Variants in DLGAP2 observed in about 807,000 individuals in gnomAD.
DLGAP2 encodes DLG associated protein 2, also known as disks large-associated protein 2.
Under a neutral mutation model 100.3 loss-of-function variants are expected in DLGAP2, and 26 were observed. The ratio of observed to expected loss-of-function variants is 0.26; its 90% CI spans 0.19 to 0.36. The LOEUF is 0.36. DLGAP2 is among the 10% of genes least tolerant of loss of function. The pLI is 1.00. For synonymous variants in DLGAP2, 886 were observed against 630.1 expected, an observed-to-expected ratio of 1.41 and a Z score of -6.08; for missense variants, 1,858 against 1,453.2, an observed-to-expected ratio of 1.28 and a Z score of -4.53.
chr8:1,206,357 C>G (rs7010249), intron 2 of DLGAP2, among the ~76,000 whole-genome samples: 5 of 51,868 alleles, frequency 9.6e-5, no homozygotes, highest in Admixed American at 3.8e-4. Context: ...TCCAGCCATC[C>G]GTGGACTGGG....
chr8:1,562,403 G>A (rs183263010), intron 5 of DLGAP2, among the ~76,000 whole-genome samples: 1 of 56,798 alleles, frequency 1.8e-5, no homozygotes, highest in Non-Finnish European at 3.3e-5. Context: ...GGGTGTCCGC[G>A]CCTCGTTACT....
At chr8:1,560,775 G>C (rs760244294) in intron 5 of DLGAP2, among the ~76,000 whole-genome samples, 1 of 152,190 alleles carries the variant, frequency 6.6e-6, no homozygotes, top group Admixed American at 6.5e-5. Flanking sequence ...AAATTCACAC[G>C]GACAAAATGT....
chr8:1,533,741 C>T (rs545374651), intron 4 of DLGAP2, among the ~76,000 whole-genome samples: 1 of 152,010 alleles, frequency 6.6e-6, no homozygotes, highest in South Asian at 2.1e-4. Context: ...ATCAATAGTA[C>T]CTTAAAAATA....
At chr8:1,660,730 T>C (rs1338504134) in intron 8 of DLGAP2, among the ~76,000 whole-genome samples, 1 of 152,226 alleles carries the variant, frequency 6.6e-6, no homozygotes, top group Non-Finnish European at 1.5e-5. Flanking sequence ...ATTAAAAATA[T>C]CCTACCAGGA....
At chr8:1,149,560 T>C (rs918368625) in intron 2 of DLGAP2, among the ~76,000 whole-genome samples, 4 of 152,228 alleles carry the variant, frequency 2.6e-5, no homozygotes, top group African/African-American at 7.2e-5. Context: ...TCTTCTTTCA[T>C]CATTTTACTT....
chr8:1,076,911 C>T (rs1308581450), intron 2 of DLGAP2, among the ~76,000 whole-genome samples: 4 of 143,616 alleles, frequency 2.8e-5, no homozygotes, highest in East Asian at 4.2e-4. Flanking sequence ...CGGCCCCCCC[C>T]AAGACCAAGA....
At chr8:1,391,322 C>T (rs1387233330) in intron 3 of DLGAP2, among the ~76,000 whole-genome samples, 20 of 152,086 alleles carry the variant, frequency 1.3e-4, no homozygotes, top group Non-Finnish European at 1.8e-4. Flanking sequence ...TTTGGGGTAC[C>T]CTGCAGAACG....
intron 3 of DLGAP2, among the ~76,000 whole-genome samples, chr8:1,471,532 C>G (rs984117919): frequency 3.4e-5 from 5 of 148,694 alleles, no homozygotes; most frequent in Non-Finnish European, 7.4e-5. Context: ...CTCCCCTCCC[C>G]TCCCAGCCTC....
intron 3 of DLGAP2, among the ~76,000 whole-genome samples, chr8:1,433,902 G>T (rs1254634213): frequency 6.6e-6 from 1 of 152,074 alleles, no homozygotes; most frequent in Non-Finnish European, 1.5e-5. Flanking sequence ...CATGGTCCCT[G>T]GGGTCCTTAC....
At chr8:946,472 C>G (rs922679882) in intron 2 of DLGAP2, among the ~76,000 whole-genome samples, 1 of 151,864 alleles carries the variant, frequency 6.6e-6, no homozygotes, top group Admixed American at 6.6e-5. Context: ...ACCATATTAG[C>G]CAGGATGGTC....
intron 1 of DLGAP2, among the ~76,000 whole-genome samples, chr8:742,961 G>T (rs1037076720): frequency 6.6e-6 from 1 of 152,176 alleles, no homozygotes. Flanking sequence ...TGCTGGATTA[G>T]TCTTGACTAT....
intron 12 of DLGAP2, among the ~76,000 whole-genome samples, chr8:1,679,979 C>T (rs1193064888): frequency 3.1e-5 from 2 of 63,528 alleles, no homozygotes; most frequent in African/African-American, 5.9e-5. Context: ...GACTCTGTCT[C>T]AAAAAAAAAA....
At chr8:1,380,399 G>A (rs1247567487) in intron 3 of DLGAP2, 2 of 152,162 alleles carry the variant, frequency 1.3e-5, no homozygotes, top group African/African-American at 4.8e-5. Flanking sequence ...TACTTCAGAA[G>A]CATTTCAGTC....
At chr8:984,230 G>A (rs1198280811) in intron 2 of DLGAP2, among the ~76,000 whole-genome samples, 2 of 152,192 alleles carry the variant, frequency 1.3e-5, no homozygotes, top group Non-Finnish European at 2.9e-5. Flanking sequence ...CTTGGGCACA[G>A]CACAGCTTTG....
chr8:814,010 G>A (rs73532305), intron 1 of DLGAP2, among the ~76,000 whole-genome samples: 1,922 of 152,118 alleles, frequency 0.013, 52 homozygotes, highest in African/African-American at 0.044. Context: ...TAATTTTAAT[G>A]GTGACCTCCT....
chr8:779,365 C>G (rs1329486457), intron 1 of DLGAP2, among the ~76,000 whole-genome samples: 1 of 152,176 alleles, frequency 6.6e-6, no homozygotes, highest in Non-Finnish European at 1.5e-5. Context: ...TGGCTCCTCC[C>G]CTGTGAATCA....
chr8:1,288,680 T>C (rs915786630), intron 3 of DLGAP2, among the ~76,000 whole-genome samples: 9,328 of 143,968 alleles, frequency 0.065, 971 homozygotes, highest in African/African-American at 0.23. Flanking sequence ...TTCGGTTCAG[T>C]GTGTGTGTGT....
chr8:906,765 G>A (rs1798389417), intron 1 of DLGAP2, among the ~76,000 whole-genome samples: 1 of 152,200 alleles, frequency 6.6e-6, no homozygotes, highest in Non-Finnish European at 1.5e-5. Context: ...GCAGCTCTGT[G>A]CACATGAGAA....
At chr8:1,486,648 G>T (rs1229303362) in intron 3 of DLGAP2, among the ~76,000 whole-genome samples, 1 of 152,172 alleles carries the variant, frequency 6.6e-6, no homozygotes, top group African/African-American at 2.4e-5. Flanking sequence ...AACTGCATTT[G>T]TCTCCTCTTG....
Sources: allele counts gnomAD v4.1 joint callset (sites outside exome capture counted in the v4.1 genomes callset), GRCh38; gene constraint gnomAD v4.1.1; transcripts MANE v1.5; gene names NCBI Gene and HGNC (gene_info 2026-07-23, HGNC 2026-07-21).